ANKRD27: variants seen among roughly 807,000 people sequenced by gnomAD.
The protein encoded by ANKRD27 is ankyrin repeat domain 27.
ANKRD27 carries 112 observed loss-of-function variants against 129.7 expected under a neutral mutation model. The ratio of observed to expected loss-of-function variants is 0.86; its 90% CI spans 0.74 to 1.01. The LOEUF (loss-of-function observed/expected upper bound fraction) is 1.01. Among genes scored for constraint, ANKRD27 ranks in the 50% least tolerant of loss-of-function variants. The pLI is 0.00. For missense variants in ANKRD27, 1,258 were observed against 1,300.5 expected (o/e 0.97, Z 0.50); for synonymous variants, 516 against 511.2 (o/e 1.01, Z -0.13).
chr19:32,633,331 GTTTT>G (rs140018331), intron 12 of ANKRD27, among the ~76,000 whole-genome samples: 7 of 122,212 alleles, frequency 5.7e-5, no homozygotes, highest in Non-Finnish European at 5.2e-5. Context: ...TTTTTTATCT[GTTTT>G]TTTTTTTTTT....
At position 32,628,079 on chromosome 19, in the gene ANKRD27, A is replaced by G. The variant is rs200395082; in HGVS notation, c.1420+4T>C. 2.9e-5 allele frequency: 47 copies of G among 1,614,070 alleles called. No individual in the cohort carries two copies. In the East Asian group the frequency reaches 1.0e-3, roughly 34 times the overall value. Reference sequence around the variant, plus strand: ...CCCCTAGGGGCCAGCCCAGGACCACATACCACAGACAGCAGCCACATGGAG... The same window carrying G: ...CCCCTAGGGGCCAGCCCAGGACCACGTACCACAGACAGCAGCCACATGGAG... On this transcript the variant is annotated splice_donor_region_variant and intron_variant, in intron 15 of 28. Transcript: ENST00000306065.
Position 32,658,912 on chromosome 19 carries a change from A to C in ANKRD27, c.102+2T>G, listed in dbSNP as rs1299045176. 1 of 1,613,498 alleles carries C rather than the reference A, an allele frequency of 6.2e-7. No individual in the cohort carries two copies. The highest frequency in any genetic ancestry group is 1.7e-5 in the Admixed American group (1 of 59,998). On this transcript the variant is annotated splice_donor_variant, in intron 2 of 28. Coordinates refer to ENST00000306065, the MANE Select transcript of ANKRD27 (RefSeq NM_032139.3). LOFTEE classifies it high-confidence loss of function. ...GACAACCCCGAGGCTCAGTGCACTT[A>C]CAATGCCATGGATTTGGGCCACTTT...
At chr19:32,647,496 T>A (rs1297543648) in intron 3 of ANKRD27, among the ~76,000 whole-genome samples, 1 of 152,220 alleles carries the variant, frequency 6.6e-6, no homozygotes, top group African/African-American at 2.4e-5. Flanking sequence ...AATGGCCCTG[T>A]TTTTCCCGGC....
intron 22 of ANKRD27, among the ~76,000 whole-genome samples, chr19:32,610,537 A>ATCCCAGC (rs958272763): frequency 6.6e-6 from 1 of 151,416 alleles, no homozygotes; most frequent in Non-Finnish European, 1.5e-5. Flanking sequence ...CATGCCTATA[A>ATCCCAGC]TCCCAGCACT....
intron 1 of ANKRD27, among the ~76,000 whole-genome samples, chr19:32,665,067 T>G (rs1967724858): frequency 6.6e-6 from 1 of 152,114 alleles, no homozygotes; most frequent in African/African-American, 2.4e-5. Context: ...CACTAGCAGC[T>G]ATTACACTGG....
intron 15 of ANKRD27, 115 bp downstream of exon 15, chr19:32,627,968 G>T: frequency 2.2e-6 from 2 of 914,198 alleles, no homozygotes; most frequent in Non-Finnish European, 3.4e-6. Context: ...GACCCACGAT[G>T]CAGCCCCAAC....
chr19:32,632,628 A>G (rs1967016978), intron 12 of ANKRD27, among the ~76,000 whole-genome samples: 1 of 151,236 alleles, frequency 6.6e-6, no homozygotes, highest in South Asian at 2.1e-4. Flanking sequence ...GATACTTTCC[A>G]TAATACTTTA....
In ANKRD27 at chr19:32,598,383, A is replaced by C. The variant is rs755505771; in HGVS notation, c.2920-5T>G. The C allele has an allele frequency of 6.2e-7, 1 of 1,614,010 alleles. No homozygotes were observed. The highest frequency in any genetic ancestry group is 8.5e-7 in the Non-Finnish European group (1 of 1,179,874). ...TGTGACACTTTGCCTCCCTGGCTAA[A>C]GAAAAAGTACATTTTTAACCGTTGA... On this transcript the variant is annotated splice_region_variant and splice_polypyrimidine_tract_variant and intron_variant, in intron 28 of 28. Transcript: ENST00000306065.
chr19:32,615,863 T>C, intron 21 of ANKRD27, 83 bp from the exon 22 acceptor site: 1 of 1,536,218 alleles, frequency 6.5e-7, no homozygotes, highest in East Asian at 2.3e-5. Context: ...CCATCAACCG[T>C]TCCCAATCAG....
Position 32,643,457 on chromosome 19 carries a change from T to C in ANKRD27, c.613A>G (p.Met205Val). The stretch of plus-strand genomic sequence containing the variant: ...TCCACTGCCTGCTTCATCAGGTTCA[T>C]CTGGGCCTCCTGCTTGGCGAGCATT... ...LKMLAKQEAQ[M>V]NLMKQAVEIY... The change falls in exon 7 of 29, where the codon ATG becomes GTG. Residue 205 changes from methionine to valine, a missense_variant. Met to Val is a conservative substitution (Grantham distance 21). Transcript: ENST00000306065. The C allele has an allele frequency of 6.2e-7, 1 of 1,613,838 alleles. No homozygotes were observed. Among genetic ancestry groups the C allele is most frequent in the Non-Finnish European group, 8.5e-7 (1 of 1,179,998 alleles).
At chr19:32,637,308 C>T (rs992100744) in intron 12 of ANKRD27, 1 of 152,176 alleles carries the variant, frequency 6.6e-6, no homozygotes, top group South Asian at 2.1e-4. Flanking sequence ...TAGATTTCAA[C>T]TTTGTGATTT....
In ANKRD27 at chr19:32,665,470, G is replaced by A. The variant is rs1322691480; in HGVS notation, c.-30-6425C>T. 1.4e-5 allele frequency among the ~76,000 whole-genome samples: 2 copies of A among 140,638 alleles called. 1 individual carries two copies. The highest frequency in any genetic ancestry group is 3.1e-5 in the Non-Finnish European group (2 of 63,724). 92.3% of individuals were successfully genotyped at this position (140,638 alleles called of 152,430 possible). Reference sequence around the variant, plus strand: ...ACACCAGGCTAATTTTTGTTTGTTTGTTTGTTTGAGACAGAGTCTTGCTCT... The same window carrying A: ...ACACCAGGCTAATTTTTGTTTGTTTATTTGTTTGAGACAGAGTCTTGCTCT... On this transcript the variant is annotated intron_variant, in intron 1 of 28. Transcript: ENST00000306065.
intron 28 of ANKRD27, among the ~76,000 whole-genome samples, chr19:32,599,013 C>T (rs1447274795): frequency 6.6e-6 from 1 of 152,192 alleles, no homozygotes; most frequent in Non-Finnish European, 1.5e-5. Flanking sequence ...GGCACGGTGG[C>T]TCACACTTGT....
intron 1 of ANKRD27, chr19:32,673,365 T>C (rs942174119): frequency 1.0e-6 from 1 of 985,290 alleles, no homozygotes; most frequent in Non-Finnish European, 1.2e-6. Flanking sequence ...CTCCTGGATC[T>C]GCCCCCTGGA....
chr19:32,609,775 T>C (rs1169409293), intron 22 of ANKRD27, among the ~76,000 whole-genome samples: 3 of 152,076 alleles, frequency 2.0e-5, no homozygotes, highest in Non-Finnish European at 2.9e-5. Flanking sequence ...TCTGTAAAAC[T>C]TGCCAAATTG....
At chr19:32,613,989 T>C (rs1449550705) in intron 22 of ANKRD27, among the ~76,000 whole-genome samples, 1 of 152,134 alleles carries the variant, frequency 6.6e-6, no homozygotes, top group Non-Finnish European at 1.5e-5. Context: ...ATTACAGGCA[T>C]AAGCCACTTA....
In ANKRD27 at chr19:32,631,299, A is replaced by T. The variant is rs946423917; in HGVS notation, c.1209+103T>A. ...CTCCCAAAGTGCTGTGATTATAGGC[A>T]TGAGCCACCATGCCTGGCCAACCCT... On this transcript the variant is annotated intron_variant, in intron 13 of 28. Coordinates refer to ENST00000306065, the MANE Select transcript of ANKRD27 (RefSeq NM_032139.3). 8 of 1,032,844 alleles carry T rather than the reference A, an allele frequency of 7.7e-6. No homozygotes were observed. In the Admixed American group the frequency reaches 1.5e-4, roughly 19 times the overall value. The allele number at this position is 1,032,844 out of a possible 1,614,324, so 64.0% of individuals were successfully genotyped here.
intron 1 of ANKRD27, 90 bp from the exon 2 acceptor site, chr19:32,659,135 T>A (rs1568419196): frequency 5.2e-6 from 2 of 388,120 alleles, no homozygotes; most frequent in African/African-American, 8.4e-5. Flanking sequence ...GGCATTTTCT[T>A]TTTCTTTTTT....
At chr19:32,656,960 T>C (rs926679645) in intron 2 of ANKRD27, among the ~76,000 whole-genome samples, 1 of 152,196 alleles carries the variant, frequency 6.6e-6, no homozygotes. Flanking sequence ...CTATATATTC[T>C]AATTTTTAAA....
Sources: allele counts gnomAD v4.1 joint callset (sites outside exome capture counted in the v4.1 genomes callset), GRCh38; gene constraint gnomAD v4.1.1; transcripts MANE v1.5; gene names NCBI Gene and HGNC (gene_info 2026-07-23, HGNC 2026-07-21).